SAMD5: variants seen among roughly 807,000 people sequenced by gnomAD.
SAMD5 encodes sterile alpha motif domain-containing protein 5.
In SAMD5, 13 loss-of-function variants were observed where a neutral mutation model predicts 11.3. The observed-to-expected ratio is 1.15, with a 90% CI of 0.75 to 1.83. SAMD5 has a LOEUF of 1.83. Ranked by LOEUF, SAMD5 falls within the 40% of genes most tolerant of loss-of-function variation. The pLI is 0.00. For synonymous variants in SAMD5, 129 were observed against 111.3 expected, an observed-to-expected ratio of 1.16 and a Z score of -1.00; for missense variants, 255 against 239.1, an observed-to-expected ratio of 1.07 and a Z score of -0.44.
At chr6:147,845,990 C>T in the SAMD5 span, among the ~76,000 whole-genome samples, 2 of 152,088 alleles carry the variant, frequency 1.3e-5, no homozygotes, top group South Asian at 2.1e-4. Context: ...CATCAAGAGG[C>T]GTACAATTAA....
At chr6:147,922,928 A>C in the SAMD5 span, among the ~76,000 whole-genome samples, 1 of 152,174 alleles carries the variant, frequency 6.6e-6, no homozygotes, top group Non-Finnish European at 1.5e-5. Context: ...GACATCTTCA[A>C]GTGTAAACAC....
At chr6:147,705,758 A>C (rs1447126503) in intron 1 of SAMD5, among the ~76,000 whole-genome samples, 1 of 152,218 alleles carries the variant, frequency 6.6e-6, no homozygotes, top group Non-Finnish European at 1.5e-5. Flanking sequence ...CCAGCTGTCC[A>C]GCTATTGATT....
At chr6:147,849,867 G>A in the SAMD5 span, among the ~76,000 whole-genome samples, 1 of 152,178 alleles carries the variant, frequency 6.6e-6, no homozygotes, top group Admixed American at 6.5e-5. Context: ...TGAAGACAAC[G>A]TCTGCATGCA....
the SAMD5 span, among the ~76,000 whole-genome samples, chr6:147,820,776 G>T: frequency 6.6e-6 from 1 of 152,166 alleles, no homozygotes; most frequent in Non-Finnish European, 1.5e-5. Context: ...CGGGTGGAAA[G>T]GTCAAAGGAA....
the SAMD5 span, among the ~76,000 whole-genome samples, chr6:147,949,147 A>C: frequency 2.0e-5 from 3 of 152,192 alleles, no homozygotes; most frequent in Admixed American, 1.3e-4. Flanking sequence ...TTAAATTGAC[A>C]AAGTTAGCCC....
At chr6:147,785,497 C>A in the SAMD5 span, among the ~76,000 whole-genome samples, 1 of 152,166 alleles carries the variant, frequency 6.6e-6, no homozygotes, top group African/African-American at 2.4e-5. Flanking sequence ...CTGGCCACAC[C>A]AGCCAAATCG....
At chr6:147,686,387 TA>T (rs1791012048) in intron 1 of SAMD5, among the ~76,000 whole-genome samples, 1 of 152,218 alleles carries the variant, frequency 6.6e-6, no homozygotes, top group Admixed American at 6.5e-5. Context: ...TATTATCTTC[TA>T]AATGCCATAT....
At chr6:147,848,812 C>A in the SAMD5 span, among the ~76,000 whole-genome samples, 1 of 152,226 alleles carries the variant, frequency 6.6e-6, no homozygotes, top group Non-Finnish European at 1.5e-5. Flanking sequence ...TTAACTTGTC[C>A]TGGCTACATT....
the SAMD5 span, among the ~76,000 whole-genome samples, chr6:147,779,453 A>G: frequency 1.3e-5 from 2 of 151,964 alleles, no homozygotes; most frequent in South Asian, 4.2e-4. Flanking sequence ...AGACAAAACA[A>G]TGCCCTGAGC....
intron 1 of SAMD5, among the ~76,000 whole-genome samples, chr6:147,631,459 G>T (rs887518895): frequency 2.6e-5 from 4 of 152,020 alleles, no homozygotes; most frequent in Non-Finnish European, 5.9e-5. Context: ...CTGTTAGTTC[G>T]TTCCACCTTT....
intron 1 of SAMD5, among the ~76,000 whole-genome samples, chr6:147,540,209 A>G (rs1438868327): frequency 2.0e-5 from 3 of 152,222 alleles, no homozygotes; most frequent in Admixed American, 2.0e-4. Flanking sequence ...GCAAAGTTAC[A>G]TAAGTAAAAA....
intron 1 of SAMD5, among the ~76,000 whole-genome samples, chr6:147,580,854 G>A (rs1789287863): frequency 1.3e-5 from 2 of 151,928 alleles, no homozygotes; most frequent in African/African-American, 4.8e-5. Context: ...CTAGGAGCAG[G>A]AAAGTAGTAG....
rs114148406 is a variant in SAMD5, at chr6:147,519,772, C to T, written c.459+10385C>T. On this transcript the variant is annotated intron_variant, in intron 1 of 1. Transcript: ENST00000367474. Reference sequence around the variant, plus strand: ...AGAATACAATGCTTATTAAAGGACACGTAAGATGCTAATTTGAAGCTTATA... The same window carrying T: ...AGAATACAATGCTTATTAAAGGACATGTAAGATGCTAATTTGAAGCTTATA... 4.3e-3 allele frequency among the ~76,000 whole-genome samples: 660 copies of T among 152,250 alleles called. 3 individuals carry two copies. The highest frequency in any genetic ancestry group is 0.014 in the African/African-American group (586 of 41,536).
At chr6:147,720,876 G>A (rs1214354765) in intron 1 of SAMD5, among the ~76,000 whole-genome samples, 1 of 126,590 alleles carries the variant, frequency 7.9e-6, no homozygotes, top group Non-Finnish European at 1.6e-5. Context: ...AGTCCCCAGA[G>A]TGTGATGTTC....
At chr6:147,768,247 C>T in the SAMD5 span, among the ~76,000 whole-genome samples, 6 of 152,120 alleles carry the variant, frequency 3.9e-5, no homozygotes, top group Non-Finnish European at 8.8e-5. Flanking sequence ...CCTGTAATTC[C>T]AGCACTTTGG....
chr6:147,556,698 C>A (rs1788862809), intron 1 of SAMD5, among the ~76,000 whole-genome samples: 3 of 152,140 alleles, frequency 2.0e-5, no homozygotes, highest in African/African-American at 7.2e-5. Context: ...ATAATTTTAT[C>A]TTTAAAATGA....
the SAMD5 span, among the ~76,000 whole-genome samples, chr6:147,763,364 A>C: frequency 6.6e-6 from 1 of 151,490 alleles, no homozygotes; most frequent in Non-Finnish European, 1.5e-5. Context: ...GGGTTTCACC[A>C]TGTTGGCCGG....
chr6:147,521,682 G>A (rs1788257642), intron 1 of SAMD5, among the ~76,000 whole-genome samples: 1 of 152,036 alleles, frequency 6.6e-6, no homozygotes, highest in Admixed American at 6.6e-5. Context: ...TATAATGCCT[G>A]CCACACAGTA....
intron 1 of SAMD5, among the ~76,000 whole-genome samples, chr6:147,553,150 TC>T (rs1314249256): frequency 6.6e-6 from 1 of 152,208 alleles, no homozygotes; most frequent in African/African-American, 2.4e-5. Context: ...GCCCATTTAA[TC>T]CTCATGATAA....
Sources: allele counts gnomAD v4.1 joint callset (sites outside exome capture counted in the v4.1 genomes callset), GRCh38; gene constraint gnomAD v4.1.1; transcripts MANE v1.5; gene names NCBI Gene and HGNC (gene_info 2026-07-23, HGNC 2026-07-21).